LRRC49: variants seen among roughly 807,000 people sequenced by gnomAD.
The protein encoded by LRRC49 is leucine-rich repeat-containing protein 49.
In LRRC49, 50 loss-of-function variants were observed where a neutral mutation model predicts 83.3. That is an observed-to-expected ratio of 0.60 (90% CI 0.48 to 0.76). LRRC49 has a LOEUF of 0.76. LRRC49 is among the 30% of genes least tolerant of loss of function. The pLI, the probability that LRRC49 is intolerant of heterozygous loss-of-function variation, is 0.00. For synonymous variants in LRRC49, 286 were observed against 283.3 expected, an observed-to-expected ratio of 1.01 and a Z score of -0.10; for missense variants, 704 against 809.1, an observed-to-expected ratio of 0.87 and a Z score of 1.58.
chr15:71,004,374 T>G (rs1471544119), intron 11 of LRRC49, among the ~76,000 whole-genome samples: 1 of 152,142 alleles, frequency 6.6e-6, no homozygotes, highest in Non-Finnish European at 1.5e-5. Context: ...TCAATCTAAA[T>G]GCCCATCAGT....
chr15:70,884,796 TAAC>T (rs2033362203), intron 2 of LRRC49, among the ~76,000 whole-genome samples: 1 of 152,146 alleles, frequency 6.6e-6, no homozygotes, highest in Non-Finnish European at 1.5e-5. Flanking sequence ...ATTCCCTTTA[TAAC>T]AATAATACAT....
chr15:70,863,038 A>T (rs2032829874), intron 1 of LRRC49, among the ~76,000 whole-genome samples: 1 of 152,232 alleles, frequency 6.6e-6, no homozygotes, highest in South Asian at 2.1e-4. Context: ...CTGGCCTCAG[A>T]CTTGGTGCAA....
chr15:70,871,796 C>T (rs1254431320), intron 1 of LRRC49, among the ~76,000 whole-genome samples: 1 of 141,188 alleles, frequency 7.1e-6, no homozygotes, highest in Non-Finnish European at 1.6e-5. Flanking sequence ...ACATCCCAGA[C>T]GGGGCGGGGG....
chr15:71,008,411 A>C lies in LRRC49; in HGVS notation c.1202A>C (p.Gln401Pro). The change falls in exon 12 of 16, where the codon CAA becomes CCA. Residue 401 changes from glutamine (Q) to proline (P), a missense_variant. Transcript: ENST00000260382. ...PLDSGLNNAL[Q>P]GLSVIDTYLV... ...GACTCAGGACTCAACAATGCTTTAC[A>C]AGGTTTATCTGTCATAGACACATAC... The C allele has an allele frequency of 6.2e-7, 1 of 1,612,792 alleles. No homozygotes were observed. Among genetic ancestry groups the C allele is most frequent in the Non-Finnish European group, 8.5e-7 (1 of 1,179,074 alleles).
At chr15:70,992,292 A>T (rs1479336915) in intron 11 of LRRC49, among the ~76,000 whole-genome samples, 3 of 152,212 alleles carry the variant, frequency 2.0e-5, no homozygotes, top group Non-Finnish European at 4.4e-5. Context: ...GATCGTCTGA[A>T]GCCTTCTTCT....
At chr15:71,024,671 A>AG (rs1371088366) in intron 14 of LRRC49, among the ~76,000 whole-genome samples, 1 of 152,146 alleles carries the variant, frequency 6.6e-6, no homozygotes, top group Admixed American at 6.5e-5. Flanking sequence ...AAAAAAAAAA[A>AG]CATTGAAAAC....
At chr15:70,999,830 G>A (rs1003934363) in intron 11 of LRRC49, among the ~76,000 whole-genome samples, 1 of 152,168 alleles carries the variant, frequency 6.6e-6, no homozygotes, top group African/African-American at 2.4e-5. Flanking sequence ...TGTGGTGGCA[G>A]CTAATACATT....
chr15:70,892,626 C>T, upstream of LRRC49: 1 of 1,452,394 alleles, frequency 6.9e-7, no homozygotes, highest in Non-Finnish European at 9.0e-7. Flanking sequence ...CCCAGCTTAT[C>T]CTCCTCCCAA....
At chr15:71,010,121 A>T in intron 13 of LRRC49, 129 bp downstream of exon 13, 1 of 515,530 alleles carries the variant, frequency 1.9e-6, no homozygotes, top group Non-Finnish European at 3.2e-6. Flanking sequence ...TTTTAAATTG[A>T]CATTTAAAAT....
At chr15:71,038,782 T>G (rs2039606052) in intron 15 of LRRC49, among the ~76,000 whole-genome samples, 2 of 152,148 alleles carry the variant, frequency 1.3e-5, no homozygotes, top group South Asian at 4.1e-4. Flanking sequence ...ACAAGTCTGT[T>G]CCTTATGAAA....
At chr15:70,948,754 T>C (rs1458332559) in intron 8 of LRRC49, among the ~76,000 whole-genome samples, 1 of 152,154 alleles carries the variant, frequency 6.6e-6, no homozygotes, top group East Asian at 1.9e-4. Flanking sequence ...GAATGCTGTT[T>C]AGAAACTAAG....
intron 1 of LRRC49, among the ~76,000 whole-genome samples, chr15:70,863,552 G>A (rs929146403): frequency 2.6e-5 from 4 of 152,188 alleles, no homozygotes; most frequent in African/African-American, 9.7e-5. Context: ...CCAGTTAGCA[G>A]ATTCAAAAAT....
intron 11 of LRRC49, 38 bp from the exon 12 acceptor site, chr15:71,008,341 G>A (rs1434833730): frequency 4.9e-6 from 6 of 1,218,752 alleles, no homozygotes; most frequent in Non-Finnish European, 7.3e-6. Context: ...TATTCTGCAT[G>A]ATATCTTTCA....
intron 7 of LRRC49, among the ~76,000 whole-genome samples, chr15:70,927,902 C>T (rs1228540918): frequency 6.6e-6 from 1 of 152,144 alleles, no homozygotes; most frequent in Non-Finnish European, 1.5e-5. Context: ...CCCATCTTGG[C>T]CTCCTACAGT....
chr15:71,037,356 G>T (rs374869287), intron 15 of LRRC49, 24 bp downstream of exon 15: 181 of 1,562,444 alleles, frequency 1.2e-4, no homozygotes, highest in Non-Finnish European at 1.5e-4. Context: ...TAATCTTTGC[G>T]ATCTAATGCC....
At chr15:71,002,511 T>G (rs1044390628) in intron 11 of LRRC49, among the ~76,000 whole-genome samples, 1 of 152,100 alleles carries the variant, frequency 6.6e-6, no homozygotes, top group African/African-American at 2.4e-5. Context: ...CTTGGTGTAA[T>G]GTTTTTTTTT....
At chr15:70,988,348 A>G (rs1369442323) in intron 11 of LRRC49, among the ~76,000 whole-genome samples, 2 of 146,180 alleles carry the variant, frequency 1.4e-5, no homozygotes, top group African/African-American at 5.0e-5. Flanking sequence ...TATTTAGGAT[A>G]GTTAGCTCTT....
At chr15:70,886,892 C>G (rs993441197) in intron 2 of LRRC49, among the ~76,000 whole-genome samples, 1 of 151,618 alleles carries the variant, frequency 6.6e-6, no homozygotes, top group Admixed American at 6.6e-5. Flanking sequence ...ATCGATAAAC[C>G]ATCTGGTGAA....
Position 71,052,226 on chromosome 15 carries a change from A to T in LRRC49, c.*2614A>T, listed in dbSNP as rs1032482837. 1.3e-5 allele frequency: 2 copies of T among 152,200 alleles called. No homozygotes were observed. The highest frequency in any genetic ancestry group is 2.9e-5 in the Non-Finnish European group (2 of 68,042). 9.4% of individuals were successfully genotyped at this position (152,200 alleles called of 1,614,324 possible). On this transcript the variant is annotated 3_prime_UTR_variant, in exon 16 of 16. Coordinates refer to ENST00000260382, the MANE Select transcript of LRRC49 (RefSeq NM_017691.5). ...GGGAAGGGGAAGAGATGCAAATCCC[A>T]TAGTCTGAGACTCTCTAGGCTAGTG...
Sources: gnomAD v4.1 joint callset for allele counts (sites outside exome capture counted in the v4.1 genomes callset) on GRCh38, gnomAD v4.1.1 for gene constraint, MANE v1.5 for transcripts, NCBI Gene and HGNC (gene_info 2026-07-23, HGNC 2026-07-21) for gene names.